BTBD8: variants seen among roughly 807,000 people sequenced by gnomAD.
BTBD8 encodes BTB/POZ domain-containing protein 8.
Under a neutral mutation model 162.9 loss-of-function variants are expected in BTBD8, and 110 were observed. The observed-to-expected ratio is 0.68, with a 90% CI of 0.58 to 0.79. The LOEUF is 0.79. Ranked by LOEUF, BTBD8 falls within the 30% of genes least tolerant of loss-of-function variation. The pLI, the probability that BTBD8 is intolerant of heterozygous loss-of-function variation, is 0.00. For synonymous variants in BTBD8, 667 were observed against 716.1 expected, an observed-to-expected ratio of 0.93 and a Z score of 1.10; for missense variants, 1,905 against 2,085.4, an observed-to-expected ratio of 0.91 and a Z score of 1.68.
In BTBD8 at chr1:92,139,377, G is replaced by T; in HGVS notation, c.780G>T (p.Met260Ile). The stretch of plus-strand genomic sequence containing the variant: ...TAAGCCATGTAGAACTGAATGTTAT[G>T]ATGCATTTTATATATGGAGGAACTC... The part of the protein sequence containing the change: ...QGISHVELNV[M>I]MHFIYGGTLD... Residue 260 changes from methionine to isoleucine, a missense_variant, in exon 6 of 18, where the codon ATG becomes ATT. Physicochemically the swap from Met to Ile is conservative, Grantham distance 10. Transcript: ENST00000636805. 6.3e-7 allele frequency: 1 copy of T among 1,591,428 alleles called. No homozygotes were observed. Among genetic ancestry groups the T allele is most frequent in the East Asian group, 2.3e-5 (1 of 43,742 alleles).
At chr1:92,086,666 G>A (rs1648169327) in intron 1 of BTBD8, among the ~76,000 whole-genome samples, 1 of 152,056 alleles carries the variant, frequency 6.6e-6, no homozygotes, top group Non-Finnish European at 1.5e-5. Context: ...CATTGTAGCA[G>A]TATTAAGAGG....
At chr1:92,153,653 A>G (rs1038387066) in intron 9 of BTBD8, among the ~76,000 whole-genome samples, 11 of 152,236 alleles carry the variant, frequency 7.2e-5, no homozygotes, top group Admixed American at 2.0e-4. Flanking sequence ...AATGTCCTCA[A>G]CATTCATCCA....
At position 92,180,384 on chromosome 1, in the gene BTBD8, A is replaced by T; in HGVS notation, c.2701A>T (p.Met901Leu). The T allele has an allele frequency of 6.4e-7, 1 of 1,551,672 alleles. No individual in the cohort carries two copies. The highest frequency in any genetic ancestry group is 8.7e-7 in the Non-Finnish European group (1 of 1,146,956). Reference sequence around the variant, plus strand: ...AGAGAAACAAGCACCTAAGAGAAAAATGGTCAAGCAAGTACACACAGCTTT... The same window carrying T: ...AGAGAAACAAGCACCTAAGAGAAAATTGGTCAAGCAAGTACACACAGCTTT... Reference protein sequence around the residue: ...TTEKQAPKRKMVKQVHTALPK... With the variant: ...TTEKQAPKRKLVKQVHTALPK... Residue 901 changes from methionine (M) to leucine (L), a missense_variant, in exon 17 of 18, where the codon ATG becomes TTG. This residue lies in a region of BTBD8 where 1,374 missense variants were observed against 1,442.7 expected (regional missense o/e 0.95). Transcript: ENST00000636805.
At chr1:92,176,066 G>A (rs765044262) in intron 13 of BTBD8, among the ~76,000 whole-genome samples, 14 of 152,128 alleles carry the variant, frequency 9.2e-5, no homozygotes, top group Admixed American at 2.0e-4. Flanking sequence ...ACCAAGCTTT[G>A]CAGATGTAGT....
chr1:92,100,712 C>T (rs1443493818), intron 2 of BTBD8, among the ~76,000 whole-genome samples: 1 of 151,948 alleles, frequency 6.6e-6, no homozygotes, highest in African/African-American at 2.4e-5. Context: ...TGGGTTCAAG[C>T]GATTCTCCTG....
chr1:92,140,520 A>G (rs1439056886), intron 6 of BTBD8, among the ~76,000 whole-genome samples: 4 of 152,204 alleles, frequency 2.6e-5, no homozygotes, highest in Admixed American at 6.5e-5. Flanking sequence ...AGAACATACC[A>G]TGAGTCCCAG....
At chr1:92,111,807 T>A (rs1190078488) in intron 4 of BTBD8, among the ~76,000 whole-genome samples, 1 of 152,198 alleles carries the variant, frequency 6.6e-6, no homozygotes. Context: ...CTGGCACATA[T>A]GTTGCCTGTT....
intron 5 of BTBD8, among the ~76,000 whole-genome samples, chr1:92,135,594 T>G (rs1449110421): frequency 1.3e-5 from 2 of 152,368 alleles, no homozygotes; most frequent in African/African-American, 4.8e-5. Context: ...AACAATTTAT[T>G]GCTTTTCTAG....
intron 9 of BTBD8, among the ~76,000 whole-genome samples, chr1:92,152,360 G>A (rs1425598486): frequency 3.9e-5 from 6 of 152,150 alleles, no homozygotes; most frequent in Non-Finnish European, 8.8e-5. Context: ...CACTCAGTAT[G>A]TATTGTCAAA....
intron 4 of BTBD8, among the ~76,000 whole-genome samples, chr1:92,114,325 A>G (rs2101913315): frequency 6.6e-6 from 1 of 152,200 alleles, no homozygotes; most frequent in Non-Finnish European, 1.5e-5. Flanking sequence ...TTTCTAGGTC[A>G]TGGAATTGAA....
At chr1:92,179,303 C>A (rs562691636) in intron 16 of BTBD8, among the ~76,000 whole-genome samples, 2 of 151,236 alleles carry the variant, frequency 1.3e-5, no homozygotes, top group African/African-American at 4.9e-5. Context: ...AACTATAATA[C>A]ATAAGGAGGA....
At chr1:92,099,151 G>T (rs549563873) in intron 2 of BTBD8, among the ~76,000 whole-genome samples, 1 of 152,150 alleles carries the variant, frequency 6.6e-6, no homozygotes, top group African/African-American at 2.4e-5. Flanking sequence ...GGGGGAGACT[G>T]TTCTTTCCCC....
At chr1:92,168,063 T>C (rs938389604) in intron 11 of BTBD8, 78 bp downstream of exon 11, 2 of 1,323,226 alleles carry the variant, frequency 1.5e-6, no homozygotes, top group East Asian at 2.7e-5. Context: ...ATTTTAAATG[T>C]TGCAGGGTCA....
intron 17 of BTBD8, among the ~76,000 whole-genome samples, chr1:92,183,485 C>T (rs895575982): frequency 9.2e-5 from 14 of 151,954 alleles, no homozygotes; most frequent in African/African-American, 2.7e-4. Flanking sequence ...CCTTTTGCAA[C>T]GGACTTACCC....
At chr1:92,116,851 A>C (rs969296897) in intron 4 of BTBD8, among the ~76,000 whole-genome samples, 2 of 147,718 alleles carry the variant, frequency 1.4e-5, no homozygotes, top group African/African-American at 5.1e-5. Context: ...TAAGTCTACC[A>C]TTGTACTTTT....
intron 1 of BTBD8, among the ~76,000 whole-genome samples, chr1:92,082,941 G>C (rs187580420): frequency 9.3e-4 from 141 of 152,240 alleles, no homozygotes; most frequent in Middle Eastern, 3.4e-3. Context: ...TGAATCCTGT[G>C]AGGTAAGTCT....
intron 9 of BTBD8, among the ~76,000 whole-genome samples, chr1:92,162,883 C>T (rs542364260): frequency 6.6e-6 from 1 of 152,144 alleles, no homozygotes; most frequent in African/African-American, 2.4e-5. Flanking sequence ...ATGTTATATA[C>T]AAGGTAAGTC....
intron 12 of BTBD8, among the ~76,000 whole-genome samples, chr1:92,170,900 A>AT (rs1221079676): frequency 1.3e-5 from 2 of 151,776 alleles, no homozygotes; most frequent in African/African-American, 4.8e-5. Context: ...GTAGAACCTT[A>AT]TTTTTTTATT....
chr1:92,161,607 ATGAGCAGATCC>A (rs1212794013), intron 9 of BTBD8, among the ~76,000 whole-genome samples: 3 of 152,216 alleles, frequency 2.0e-5, no homozygotes, highest in African/African-American at 7.2e-5. Context: ...TCTTAATTTG[ATGAGCAGATCC>A]TGAACTTCAT....
Sources: gnomAD v4.1 joint callset for allele counts (sites outside exome capture counted in the v4.1 genomes callset) on GRCh38, gnomAD v4.1.1 for gene constraint, gnomAD v4.1.1 regional missense constraint, MANE v1.5 for transcripts, NCBI Gene and HGNC (gene_info 2026-07-23, HGNC 2026-07-21) for gene names.